Variants in LEMD3 observed in about 807,000 individuals in gnomAD.
LEMD3 encodes the protein inner nuclear membrane protein Man1.
Under a neutral mutation model 95.2 loss-of-function variants are expected in LEMD3, and 33 were observed. The ratio of observed to expected loss-of-function variants is 0.35; its 90% CI spans 0.26 to 0.46. The LOEUF (loss-of-function observed/expected upper bound fraction) is 0.46. LEMD3 is among the 20% of genes least tolerant of loss of function. LEMD3 has a pLI of 1.00. For missense variants in LEMD3, 1,210 were observed against 1,192.8 expected (o/e 1.01, Z -0.21); for synonymous variants, 525 against 474.6 (o/e 1.11, Z -1.38).
intron 1 of LEMD3, among the ~76,000 whole-genome samples, chr12:65,182,517 T>C (rs1024771089): frequency 2.0e-5 from 3 of 152,166 alleles, no homozygotes; most frequent in African/African-American, 7.2e-5. Context: ...TCCTTATCAG[T>C]ATTTAAACCT....
chr12:65,238,439 G>C (rs1047935907), intron 4 of LEMD3, 63 bp from the exon 5 acceptor site: 10 of 982,550 alleles, frequency 1.0e-5, no homozygotes, highest in Non-Finnish European at 1.6e-5. Flanking sequence ...TGTTATAAAG[G>C]ATACTTTACA....
rs1057520093 is a variant in LEMD3, at chr12:65,240,014, G to A, written c.2007G>A (p.Met669Ile). 2 of 1,605,420 alleles carry A rather than the reference G, an allele frequency of 1.2e-6. No individual in the cohort carries two copies. The highest frequency in any genetic ancestry group is 4.5e-5 in the East Asian group (2 of 44,742). Reference protein sequence around the residue: ...EEEETRQMYDMVVKIIDVLRS... With the variant: ...EEEETRQMYDIVVKIIDVLRS... ...AGGAAACAAGGCAGATGTATGATAT[G>A]GTGGTAAAGATTATAGGTATGATAT... The change falls in exon 7 of 13, where the codon ATG becomes ATA. Residue 669 changes from methionine (M) to isoleucine (I), a missense_variant. This residue lies in a region of LEMD3 where 461 missense variants were observed against 569.8 expected (regional missense o/e 0.81). Coordinates refer to ENST00000308330, the MANE Select transcript of LEMD3 (RefSeq NM_014319.5).
At chr12:65,240,744 A>C (rs1870911266) in intron 8 of LEMD3, 165 bp from the exon 9 acceptor site, 1 of 648,582 alleles carries the variant, frequency 1.5e-6, no homozygotes, top group South Asian at 1.9e-5. Flanking sequence ...TGGAAATTGA[A>C]ACTCAGAAAA....
chr12:65,194,079 T>G (rs1404706744), intron 1 of LEMD3, among the ~76,000 whole-genome samples: 7 of 152,298 alleles, frequency 4.6e-5, no homozygotes, highest in Admixed American at 3.9e-4. Context: ...ATGTGAACTT[T>G]AAAAACATTT....
intron 1 of LEMD3, among the ~76,000 whole-genome samples, chr12:65,198,028 A>G (rs1031619549): frequency 2.0e-5 from 3 of 152,130 alleles, no homozygotes; most frequent in South Asian, 2.1e-4. Context: ...TGTGAAATTT[A>G]TATTTATTGC....
chr12:65,223,394 C>T (rs919402236), intron 4 of LEMD3, among the ~76,000 whole-genome samples: 1 of 150,092 alleles, frequency 6.7e-6, no homozygotes, highest in African/African-American at 2.5e-5. Flanking sequence ...ATCTCAAACT[C>T]CTGGGCTCAA....
At chr12:65,184,839 G>A (rs1022909096) in intron 1 of LEMD3, among the ~76,000 whole-genome samples, 1 of 152,126 alleles carries the variant, frequency 6.6e-6, no homozygotes, top group Non-Finnish European at 1.5e-5. Context: ...AGTTAACGTT[G>A]TTGGGTAAAA....
At chr12:65,242,704 T>C (rs1243542783) in intron 9 of LEMD3, among the ~76,000 whole-genome samples, 2 of 152,188 alleles carry the variant, frequency 1.3e-5, no homozygotes, top group South Asian at 2.1e-4. Context: ...ATCCTCTCCT[T>C]CTTAGACAAC....
In LEMD3 at chr12:65,221,738, T is replaced by C. The variant is rs112330198; in HGVS notation, c.1695+3119T>C. Among the ~76,000 whole-genome samples the C allele has an allele frequency of 5.8e-3, 838 of 145,160 alleles. 11 individuals are homozygous for C. Among genetic ancestry groups the C allele is most frequent in the East Asian group, 0.019 (93 of 5,002 alleles). On this transcript the variant is annotated intron_variant, in intron 4 of 12. Coordinates refer to ENST00000308330, the MANE Select transcript of LEMD3 (RefSeq NM_014319.5). ...CCTGATCTTAGAGGAAAATCTCTCTTTTTTTTTTTTTTTTTTCCTTGAGAC... is the reference window on the plus strand; with the variant it reads ...CCTGATCTTAGAGGAAAATCTCTCTCTTTTTTTTTTTTTTTTCCTTGAGAC...
chr12:65,210,192 A>G (rs974346217), intron 1 of LEMD3, among the ~76,000 whole-genome samples: 1 of 151,968 alleles, frequency 6.6e-6, no homozygotes, highest in Non-Finnish European at 1.5e-5. Flanking sequence ...GTAATATTTT[A>G]TTGTAAATTT....
chr12:65,177,111 T>C (rs1327794026), intron 1 of LEMD3, among the ~76,000 whole-genome samples: 1 of 152,210 alleles, frequency 6.6e-6, no homozygotes. Context: ...TGATCAGTCT[T>C]ACATGATCAA....
chr12:65,245,884 G>A lies in LEMD3; in HGVS notation c.2517G>A (p.Leu839=), dbSNP rs1871090590. The A allele has an allele frequency of 6.2e-7, 1 of 1,612,864 alleles. No individual in the cohort carries two copies. The highest frequency in any genetic ancestry group is 1.3e-5 in the African/African-American group (1 of 74,848). The part of the protein sequence containing the change: ...SREGCVYVKC[L]SPEYAGKAFK... Reference sequence around the variant, plus strand: ...AGGGTTGTGTATATGTTAAATGTCTGTCTCCAGAATATGCTGGAAAGGCTT... The same window carrying A: ...AGGGTTGTGTATATGTTAAATGTCTATCTCCAGAATATGCTGGAAAGGCTT... The change falls in exon 12 of 13, where the codon CTG becomes CTA. Residue 839 remains leucine (L), a synonymous_variant. Transcript: ENST00000308330.
Position 65,238,687 on chromosome 12 carries a change from T to C in LEMD3, c.1794T>C (p.Pro598=). ...TAAATAGGTGTGTTGGTTTTGGCCC[T>C]GAGGAAGAATTGACAAATATAACTG... ...DVGIRCVGFG[P]EEELTNITDV... Residue 598 remains proline (P), a synonymous_variant, in exon 6 of 13, where the codon CCT becomes CCC. Coordinates refer to ENST00000308330, the MANE Select transcript of LEMD3 (RefSeq NM_014319.5). 6.2e-7 allele frequency: 1 copy of C among 1,614,090 alleles called. No individual in the cohort carries two copies. Among genetic ancestry groups the C allele is most frequent in the Non-Finnish European group, 8.5e-7 (1 of 1,179,964 alleles).
At chr12:65,202,289 A>G (rs1425366562) in intron 1 of LEMD3, among the ~76,000 whole-genome samples, 1 of 152,088 alleles carries the variant, frequency 6.6e-6, no homozygotes, top group East Asian at 1.9e-4. Context: ...AAGTGCTGGG[A>G]TTACAGGCGT....
Position 65,218,540 on chromosome 12 carries a change from T to C in LEMD3, c.1628-12T>C. The C allele has an allele frequency of 1.9e-6, 3 of 1,576,150 alleles. No homozygotes were observed. The highest frequency in any genetic ancestry group is 2.6e-6 in the Non-Finnish European group (3 of 1,148,708). On this transcript the variant is annotated splice_polypyrimidine_tract_variant and intron_variant, in intron 3 of 12. Coordinates refer to ENST00000308330, the MANE Select transcript of LEMD3 (RefSeq NM_014319.5). ...TACTGATTCAAAATTAATAATATGC[T>C]AATCTTTCCAGGAGATCATGAATGT... is the stretch of plus-strand genomic sequence containing the variant.
At chr12:65,214,228 C>G (rs1469927781) in intron 2 of LEMD3, among the ~76,000 whole-genome samples, 1 of 152,172 alleles carries the variant, frequency 6.6e-6, no homozygotes, top group African/African-American at 2.4e-5. Flanking sequence ...CCACGCTCAG[C>G]TCATGTTCCA....
rs145574521 is a variant in LEMD3 at position 65,230,372 on chromosome 12, A to G, written c.1696-8130A>G. Among the ~76,000 whole-genome samples, 265 of 152,298 alleles carry G rather than the reference A, an allele frequency of 1.7e-3. 1 individual carries two copies. Among genetic ancestry groups the G allele is most frequent in the Middle Eastern group, 3.4e-3 (1 of 294 alleles). On this transcript the variant is annotated intron_variant, in intron 4 of 12. Transcript: ENST00000308330. ...AATAGGGATTGCATTGAATCTATACATAGATTATTTTTGGTAGTGTAGTTT... is the reference window on the plus strand; with the variant it reads ...AATAGGGATTGCATTGAATCTATACGTAGATTATTTTTGGTAGTGTAGTTT...
At position 65,246,605 on chromosome 12, in the gene LEMD3, G is replaced by A. The variant is rs1413127224; in HGVS notation, c.*280G>A. 8 of 388,650 alleles carry A rather than the reference G, an allele frequency of 2.1e-5. No homozygotes were observed. In the East Asian group the frequency reaches 3.8e-4, roughly 19 times the overall value. 24.1% of individuals were successfully genotyped at this position (388,650 alleles called of 1,614,324 possible). A position where few individuals can be genotyped will look rare whatever the true frequency, so the allele number is the denominator to read the frequency against. ...GACTTTATTAAGCATTTTCAGATGT[G>A]GTGGTTGTATTTTTGCCCCAAGAAG... is the stretch of plus-strand genomic sequence containing the variant. On this transcript the variant is annotated 3_prime_UTR_variant, in exon 13 of 13. Coordinates refer to ENST00000308330, the MANE Select transcript of LEMD3 (RefSeq NM_014319.5).
In LEMD3 at chr12:65,170,599, G is replaced by A; in HGVS notation, c.1003G>A (p.Glu335Lys). Reference sequence around the variant, plus strand: ...GAGTCTAGACAGGAGCCGAAACCTCGAAGAGGCGGCGGCCGCGGAGCAGGG... The same window carrying A: ...GAGTCTAGACAGGAGCCGAAACCTCAAAGAGGCGGCGGCCGCGGAGCAGGG... ...AGSLDRSRNL[E>K]EAAAAEQGGG... The change falls in exon 1 of 13, where the codon GAA (glutamate) becomes AAA (lysine). Residue 335 changes from glutamate (E) to lysine (K), a missense_variant. Glu to Lys is a moderately conservative substitution (Grantham distance 56, BLOSUM62 1). Coordinates refer to ENST00000308330, the MANE Select transcript of LEMD3 (RefSeq NM_014319.5). The A allele has an allele frequency of 6.2e-7, 1 of 1,614,032 alleles. No individual in the cohort carries two copies. The highest frequency in any genetic ancestry group is 8.5e-7 in the Non-Finnish European group (1 of 1,179,960).
Sources: gnomAD v4.1 joint callset for allele counts (sites outside exome capture counted in the v4.1 genomes callset) on GRCh38, gnomAD v4.1.1 for gene constraint, gnomAD v4.1.1 regional missense constraint, MANE v1.5 for transcripts, NCBI Gene and HGNC (gene_info 2026-07-23, HGNC 2026-07-21) for gene names.